The following SCN1A variants were observed in gnomAD, a reference collection of about 807,000 sequenced individuals.
SCN1A encodes the protein sodium channel protein type 1 subunit alpha.
SCN1A carries 13 observed loss-of-function variants against 193.7 expected under a neutral mutation model. That is an observed-to-expected ratio of 0.07 (90% CI 0.04 to 0.11). The LOEUF (loss-of-function observed/expected upper bound fraction) is 0.11. SCN1A is among the 10% of genes least tolerant of loss of function. The pLI is 1.00. For synonymous variants in SCN1A, 781 were observed against 843.6 expected, an observed-to-expected ratio of 0.93 and a Z score of 1.29; for missense variants, 1,432 against 2,451.1, an observed-to-expected ratio of 0.58 and a Z score of 8.78.
At chr2:166,080,609 G>A in intron 2 of SCN1A, among the ~76,000 whole-genome samples, 1 of 149,836 alleles carries the variant, frequency 6.7e-6, no homozygotes, top group East Asian at 2.0e-4. Context: ...AATTCAATTA[G>A]ATAAGCAATC....
In SCN1A at chr2:166,073,580, G is replaced by A; in HGVS notation, c.42C>T (p.Phe14=). 1.2e-6 allele frequency: 2 copies of A among 1,614,142 alleles called. No individual in the cohort carries two copies. The highest frequency in any genetic ancestry group is 1.7e-6 in the Non-Finnish European group (2 of 1,180,022). ...CAAGAGATTCTCTGGTGAAGAAGTT[G>A]AAGCTGTCAGGTCCTGGTGGTACAA... The part of the protein sequence containing the change: ...TVLVPPGPDS[F]NFFTRESLAA... Residue 14 remains phenylalanine (F), a synonymous_variant, in exon 4 of 29, where the codon TTC becomes TTT. Transcript: ENST00000674923.
intron 1 of SCN1A, among the ~76,000 whole-genome samples, chr2:166,136,093 C>A (rs1169343497): frequency 1.3e-5 from 2 of 152,192 alleles, no homozygotes; most frequent in African/African-American, 4.8e-5. Flanking sequence ...AGCTCAGAGA[C>A]TAAAGTCCTT....
At chr2:166,018,747 A>AT (rs1446341915) in intron 19 of SCN1A, among the ~76,000 whole-genome samples, 2 of 152,104 alleles carry the variant, frequency 1.3e-5, no homozygotes, top group Non-Finnish European at 2.9e-5. Context: ...ATTGAACAAT[A>AT]TAAGAGTTGG....
chr2:166,075,829 G>A lies in SCN1A; in HGVS notation c.-50+1881C>T, dbSNP rs926480801. Among the ~76,000 whole-genome samples the A allele has an allele frequency of 1.4e-4, 21 of 151,992 alleles. No homozygotes were observed. In the South Asian group the frequency reaches 2.9e-3, roughly 21 times the overall value. On this transcript the variant is annotated intron_variant, in intron 3 of 28. Transcript: ENST00000674923. Reference sequence around the variant, plus strand: ...CTATTTATCCTCACCAATATAATATGTTATCATATTTTTGATATTTCCAAT... The same window carrying A: ...CTATTTATCCTCACCAATATAATATATTATCATATTTTTGATATTTCCAAT...
intron 2 of SCN1A, among the ~76,000 whole-genome samples, chr2:166,088,921 G>T (rs1686451693): frequency 6.6e-6 from 1 of 152,196 alleles, no homozygotes; most frequent in South Asian, 2.1e-4. Flanking sequence ...AATGATTTAA[G>T]ATATCTGAAC....
intron 13 of SCN1A, 24 bp downstream of exon 13, chr2:166,045,019 T>A (rs1697621996): frequency 6.2e-7 from 1 of 1,612,992 alleles, no homozygotes; most frequent in Non-Finnish European, 8.5e-7. Flanking sequence ...CAACCATGCA[T>A]CAGTAAACTC....
intron 4 of SCN1A, among the ~76,000 whole-genome samples, chr2:166,070,249 T>C (rs1365514791): frequency 1.3e-5 from 2 of 152,152 alleles, no homozygotes; most frequent in African/African-American, 4.8e-5. Context: ...ACCATGTTAG[T>C]TTTTAAGGAT....
chr2:166,027,599 T>C (rs62179361), intron 19 of SCN1A, among the ~76,000 whole-genome samples: 26,160 of 150,738 alleles, frequency 0.17, 2,481 homozygotes, highest in East Asian at 0.27. Context: ...TGTGTACATA[T>C]ATATTTAATA....
chr2:166,002,908 A>C (rs1424729291), intron 23 of SCN1A, 155 bp from the exon 24 acceptor site: 4 of 610,188 alleles, frequency 6.6e-6, no homozygotes, highest in Non-Finnish European at 7.9e-6. Flanking sequence ...AAATCTTAAA[A>C]TTCATTTTTT....
At chr2:166,084,218 C>CTTTTT (rs57907653) in intron 2 of SCN1A, among the ~76,000 whole-genome samples, 2 of 127,326 alleles carry the variant, frequency 1.6e-5, no homozygotes, top group Non-Finnish European at 3.3e-5. Flanking sequence ...TCTCAATTTT[C>CTTTTT]TTTTTTTTTT....
chr2:166,036,370 T>G lies in SCN1A; in HGVS notation c.3107A>C (p.Gln1036Pro), dbSNP rs1440794053. 2 of 1,604,544 alleles carry G rather than the reference T, an allele frequency of 1.2e-6. No individual in the cohort carries two copies. The highest frequency in any genetic ancestry group is 1.7e-6 in the Non-Finnish European group (2 of 1,176,840). ...AATCTTTTGTTTCCTAATGAAGGAC[T>G]GTTGAATAAATTCATATATTTTTCT... ...VKRKIYEFIQQSFIRKQKILD... is the reference protein window; with the variant it reads ...VKRKIYEFIQPSFIRKQKILD... Residue 1036 changes from glutamine (Q) to proline (P), a missense_variant, in exon 19 of 29, where the codon CAG becomes CCG. Gln to Pro is a moderately conservative substitution (Grantham distance 76). This residue lies in a region of SCN1A where 198 missense variants were observed against 225.8 expected (regional missense o/e 0.88). Transcript: ENST00000674923.
chr2:166,095,565 A>G (rs745566128), intron 2 of SCN1A, among the ~76,000 whole-genome samples: 7 of 152,182 alleles, frequency 4.6e-5, no homozygotes, highest in Non-Finnish European at 7.4e-5. Context: ...CCTGCTATCA[A>G]TCAGAAACAA....
intron 2 of SCN1A, among the ~76,000 whole-genome samples, chr2:166,090,886 G>C (rs111800049): frequency 0.019 from 2,878 of 152,232 alleles, 94 homozygotes; most frequent in African/African-American, 0.066. Context: ...ATAGTGCAAA[G>C]TTTAAATTTC....
At position 166,024,914 on chromosome 2, in the gene SCN1A, A is replaced by C. The variant is rs535170047; in HGVS notation, c.3430-9187T>G. 2.6e-5 allele frequency among the ~76,000 whole-genome samples: 4 copies of C among 152,228 alleles called. No homozygotes were observed. The South Asian group carries it at 8.3e-4, about 31-fold the overall frequency. ...AGCAATTCACCCACCTTGGCCTCCC[A>C]AAGTGCTGTGACTACAGGAGTGAGC... On this transcript the variant is annotated intron_variant, in intron 19 of 28. Transcript: ENST00000674923.
At chr2:166,093,505 A>AT (rs1281665837) in intron 2 of SCN1A, among the ~76,000 whole-genome samples, 1 of 151,838 alleles carries the variant, frequency 6.6e-6, no homozygotes, top group African/African-American at 2.4e-5. Flanking sequence ...CGCCCAGCTA[A>AT]TTTTTTTATT....
Position 166,091,336 on chromosome 2 carries a change from A to G in SCN1A, c.-141-13535T>C, listed in dbSNP as rs573379135. On this transcript the variant is annotated intron_variant, in intron 2 of 28. Transcript: ENST00000674923. ...GGAAAGGTGTTTACCTTAGAAAATC[A>G]TTTAGCAATTTTTAGAAACTAGACA... Among the ~76,000 whole-genome samples the G allele has an allele frequency of 3.9e-5, 6 of 152,324 alleles. No individual in the cohort carries two copies. In the South Asian group the frequency reaches 1.2e-3, roughly 32 times the overall value.
At chr2:166,028,816 A>G (rs190015001) in intron 19 of SCN1A, among the ~76,000 whole-genome samples, 12 of 152,328 alleles carry the variant, frequency 7.9e-5, no homozygotes, top group African/African-American at 2.9e-4. Context: ...TAGACTTAGT[A>G]TCTGCCCTCG....
At position 166,013,901 on chromosome 2, in the gene SCN1A, G is replaced by A. The variant is rs1225446966; in HGVS notation, c.3551-3C>T. ...ACACTTGAATCTTTGTACACAGCCTGCAGAAAGTGTTGAAATAAAAGTAGA... is the reference window on the plus strand; with the variant it reads ...ACACTTGAATCTTTGTACACAGCCTACAGAAAGTGTTGAAATAAAAGTAGA... On this transcript the variant is annotated splice_region_variant and splice_polypyrimidine_tract_variant and intron_variant, in intron 20 of 28. Transcript: ENST00000674923. 3 of 1,610,644 alleles carry A rather than the reference G, an allele frequency of 1.9e-6. No individual in the cohort carries two copies. Among genetic ancestry groups the A allele is most frequent in the Non-Finnish European group, 2.5e-6 (3 of 1,178,194 alleles).
chr2:166,120,804 C>A (rs568656787), intron 2 of SCN1A, among the ~76,000 whole-genome samples: 3 of 151,190 alleles, frequency 2.0e-5, no homozygotes, highest in Admixed American at 2.0e-4. Context: ...TTAGTAGAGA[C>A]GGGGTTTCAC....
Sources: gnomAD v4.1 joint callset for allele counts (sites outside exome capture counted in the v4.1 genomes callset) on GRCh38, gnomAD v4.1.1 for gene constraint, gnomAD v4.1.1 regional missense constraint, MANE v1.5 for transcripts, NCBI Gene and HGNC (gene_info 2026-07-23, HGNC 2026-07-21) for gene names.